Variants in CTNNA3 observed in about 807,000 individuals in gnomAD.
CTNNA3 encodes catenin alpha 3.
A neutral mutation model predicts 95.7 loss-of-function variants in CTNNA3; 76 were observed. That is an observed-to-expected ratio of 0.79 (90% CI 0.66 to 0.96). CTNNA3 has a LOEUF of 0.96. CTNNA3 is among the 40% of genes least tolerant of loss of function. The probability of loss-of-function intolerance (pLI) is 0.00; values close to 1 mark genes in which losing one functional copy is unlikely to be tolerated. For synonymous variants in CTNNA3, 431 were observed against 374.4 expected, an observed-to-expected ratio of 1.15 and a Z score of -1.74; for missense variants, 1,191 against 1,089.8, an observed-to-expected ratio of 1.09 and a Z score of -1.31.
chr10:67,505,902 TG>T, intron 5 of CTNNA3, among the ~76,000 whole-genome samples: 1 of 152,306 alleles, frequency 6.6e-6, no homozygotes, highest in African/African-American at 2.4e-5. Flanking sequence ...GTATTAATGC[TG>T]TAACTAAAAT....
At chr10:66,704,979 T>C (rs1848070573) in intron 9 of CTNNA3, among the ~76,000 whole-genome samples, 1 of 152,136 alleles carries the variant, frequency 6.6e-6, no homozygotes, top group African/African-American at 2.4e-5. Flanking sequence ...ATCCTTGTCT[T>C]ATTCTTGATC....
chr10:67,262,117 T>C (rs1485368983), intron 5 of CTNNA3, among the ~76,000 whole-genome samples: 1 of 152,068 alleles, frequency 6.6e-6, no homozygotes, highest in African/African-American at 2.4e-5. Context: ...CTTTTTAGAC[T>C]AAAAATAAAT....
chr10:66,855,873 A>G (rs541774435), intron 7 of CTNNA3, among the ~76,000 whole-genome samples: 99 of 152,142 alleles, frequency 6.5e-4, no homozygotes, highest in Non-Finnish European at 1.2e-3. Context: ...ACATGTCTTC[A>G]GCCTTATCAA....
intron 9 of CTNNA3, among the ~76,000 whole-genome samples, chr10:66,735,512 T>G (rs1354538541): frequency 6.6e-6 from 1 of 151,954 alleles, no homozygotes; most frequent in Non-Finnish European, 1.5e-5. Context: ...TTCCTTATTT[T>G]AAAAAGTTAT....
chr10:66,825,213 GAT>G (rs923301204), intron 7 of CTNNA3, among the ~76,000 whole-genome samples: 1 of 146,822 alleles, frequency 6.8e-6, no homozygotes, highest in East Asian at 2.0e-4. Flanking sequence ...TATATTTTAA[GAT>G]ATATATATTT....
intron 1 of CTNNA3, among the ~76,000 whole-genome samples, chr10:67,703,225 GAA>G (rs1841055488): frequency 6.6e-6 from 1 of 152,124 alleles, no homozygotes; most frequent in Admixed American, 6.5e-5. Flanking sequence ...CATTCCTTCT[GAA>G]ACTATTCCAA....
intron 7 of CTNNA3, among the ~76,000 whole-genome samples, chr10:67,049,688 C>A (rs909911223): frequency 1.3e-5 from 2 of 152,128 alleles, no homozygotes; most frequent in African/African-American, 4.8e-5. Flanking sequence ...AAAACAGTCC[C>A]TGACAAGTAC....
chr10:67,574,761 A>G (rs1375648074), intron 3 of CTNNA3, among the ~76,000 whole-genome samples: 1 of 151,724 alleles, frequency 6.6e-6, no homozygotes, highest in Non-Finnish European at 1.5e-5. Flanking sequence ...TTGTATTTTT[A>G]GTAGAGATGG....
intron 12 of CTNNA3, among the ~76,000 whole-genome samples, chr10:66,368,411 CT>C (rs905976292): frequency 1.6e-4 from 24 of 149,344 alleles, no homozygotes; most frequent in Middle Eastern, 3.5e-3. Context: ...TCTTCTGGAT[CT>C]TTTTTTTTTC....
intron 13 of CTNNA3, among the ~76,000 whole-genome samples, chr10:66,160,999 C>A (rs950396778): frequency 6.6e-6 from 1 of 152,092 alleles, no homozygotes; most frequent in East Asian, 1.9e-4. Context: ...AGAATAGTTA[C>A]CCTGGCTTGC....
chr10:66,698,085 A>G (rs1847828892), intron 9 of CTNNA3, among the ~76,000 whole-genome samples: 1 of 152,194 alleles, frequency 6.6e-6, no homozygotes, highest in Non-Finnish European at 1.5e-5. Context: ...CTGCCTTTTT[A>G]CCCATGCCAT....
At chr10:65,961,472 A>G (rs2077841244) in intron 17 of CTNNA3, among the ~76,000 whole-genome samples, 1 of 152,178 alleles carries the variant, frequency 6.6e-6, no homozygotes. Flanking sequence ...CTGCACCATA[A>G]ATCATGTAAA....
At chr10:67,488,652 T>C (rs2133072851) in intron 5 of CTNNA3, among the ~76,000 whole-genome samples, 1 of 149,074 alleles carries the variant, frequency 6.7e-6, no homozygotes, top group African/African-American at 2.5e-5. Context: ...ATTACAGGTG[T>C]GAGCCAAAGT....
chr10:66,065,035 A>C lies in CTNNA3; in HGVS notation c.2159+4273T>G, dbSNP rs191797317. On this transcript the variant is annotated intron_variant, in intron 15 of 17. Coordinates refer to ENST00000433211, the MANE Select transcript of CTNNA3 (RefSeq NM_013266.4). ...GAAATAGAGGCAGGAAATATGGGAA[A>C]AAATGAATTATTTAAACCAAAAAGT... Among the ~76,000 whole-genome samples, 390 of 152,316 alleles carry C rather than the reference A, an allele frequency of 2.6e-3. 6 individuals carry two copies. The highest frequency in any genetic ancestry group is 9.1e-3 in the African/African-American group (377 of 41,568).
intron 12 of CTNNA3, among the ~76,000 whole-genome samples, chr10:66,360,600 T>TTTCC (rs1491314044): frequency 3.1e-5 from 1 of 32,456 alleles, no homozygotes; most frequent in Non-Finnish European, 7.4e-5. Flanking sequence ...TCTTTCCTTC[T>TTTCC]TTCTTTCTTT....
intron 11 of CTNNA3, among the ~76,000 whole-genome samples, chr10:66,498,845 T>C (rs1840184196): frequency 6.6e-6 from 1 of 152,220 alleles, no homozygotes; most frequent in South Asian, 2.1e-4. Flanking sequence ...CATACATACA[T>C]CTGGCTTTGC....
intron 9 of CTNNA3, among the ~76,000 whole-genome samples, chr10:66,749,093 C>A (rs1839010722): frequency 6.8e-6 from 1 of 146,464 alleles, no homozygotes; most frequent in African/African-American, 2.5e-5. Flanking sequence ...GTCCCAGCTA[C>A]TTGGGAGGCT....
intron 9 of CTNNA3, among the ~76,000 whole-genome samples, chr10:66,742,436 T>G (rs1849358604): frequency 6.6e-6 from 1 of 152,172 alleles, no homozygotes. Flanking sequence ...GGTCCTGTGA[T>G]CTTGCCCTGC....
intron 9 of CTNNA3, 141 bp downstream of exon 9, chr10:66,766,123 C>T (rs1317715303): frequency 7.0e-6 from 5 of 717,928 alleles, no homozygotes; most frequent in South Asian, 1.9e-5. Context: ...GACATATACA[C>T]CTTCATATTA....
Sources: allele counts gnomAD v4.1 joint callset (sites outside exome capture counted in the v4.1 genomes callset), GRCh38; gene constraint gnomAD v4.1.1; transcripts MANE v1.5; gene names NCBI Gene and HGNC (gene_info 2026-07-23, HGNC 2026-07-21).